FGGY: variants seen among roughly 807,000 people sequenced by gnomAD.
FGGY encodes the protein FGGY carbohydrate kinase domain-containing protein.
In FGGY, 72 loss-of-function variants were observed where a neutral mutation model predicts 71.3. The observed-to-expected ratio is 1.01, with a 90% CI of 0.84 to 1.23. The LOEUF (loss-of-function observed/expected upper bound fraction) is 1.23, where lower values mean the gene tolerates loss of function less well. Ranked by LOEUF, FGGY falls within the 50% of genes most tolerant of loss-of-function variation. The pLI, the probability that FGGY is intolerant of heterozygous loss-of-function variation, is 0.00. For synonymous variants in FGGY, 251 were observed against 250.3 expected, an observed-to-expected ratio of 1.00 and a Z score of -0.02; for missense variants, 668 against 682.3, an observed-to-expected ratio of 0.98 and a Z score of 0.23.
At chr1:59,371,956 G>A (rs1191386662) in intron 4 of FGGY, among the ~76,000 whole-genome samples, 3 of 152,024 alleles carry the variant, frequency 2.0e-5, no homozygotes, top group African/African-American at 7.3e-5. Context: ...AGAGAAAGCA[G>A]GAAAGATCCA....
chr1:59,552,535 T>C (rs566715244), intron 7 of FGGY, among the ~76,000 whole-genome samples: 1 of 152,296 alleles, frequency 6.6e-6, no homozygotes, highest in African/African-American at 2.4e-5. Context: ...CTCTGGCCTT[T>C]TTCTCACATT....
At chr1:59,476,948 G>A (rs796775861) in intron 6 of FGGY, among the ~76,000 whole-genome samples, 10 of 152,200 alleles carry the variant, frequency 6.6e-5, no homozygotes, top group African/African-American at 2.2e-4. Flanking sequence ...TAAGTGAACA[G>A]TATGATATCT....
intron 4 of FGGY, among the ~76,000 whole-genome samples, chr1:59,350,752 C>A (rs1356769925): frequency 6.6e-6 from 1 of 152,244 alleles, no homozygotes; most frequent in East Asian, 1.9e-4. Context: ...TTTTCTCATT[C>A]CCCTGATGAT....
chr1:59,408,496 C>G (rs2063099973), intron 5 of FGGY, among the ~76,000 whole-genome samples: 1 of 152,136 alleles, frequency 6.6e-6, no homozygotes, highest in East Asian at 1.9e-4. Flanking sequence ...CTTAGCTATT[C>G]TTATTCATAC....
intron 12 of FGGY, among the ~76,000 whole-genome samples, chr1:59,664,072 G>A (rs1367361573): frequency 2.0e-5 from 3 of 152,110 alleles, no homozygotes; most frequent in Admixed American, 6.5e-5. Context: ...TCAACCACCC[G>A]GTTTATCCAT....
chr1:59,444,145 C>G (rs1231335069), intron 5 of FGGY, among the ~76,000 whole-genome samples: 7 of 152,168 alleles, frequency 4.6e-5, no homozygotes, highest in Admixed American at 1.3e-4. Context: ...TTAATGGCCT[C>G]TAGCCACAGG....
chr1:59,528,477 C>T (rs934145098), intron 7 of FGGY, among the ~76,000 whole-genome samples: 1 of 152,176 alleles, frequency 6.6e-6, no homozygotes, highest in East Asian at 1.9e-4. Flanking sequence ...CCCAAGCCAG[C>T]GTTAACAGCT....
intron 4 of FGGY, among the ~76,000 whole-genome samples, chr1:59,364,717 C>T (rs1478662643): frequency 6.6e-6 from 1 of 152,154 alleles, no homozygotes; most frequent in East Asian, 1.9e-4. Context: ...AGGGGCATAG[C>T]ATAAGAGCAT....
intron 9 of FGGY, among the ~76,000 whole-genome samples, chr1:59,618,433 G>A (rs1309914141): frequency 6.6e-6 from 1 of 152,018 alleles, no homozygotes; most frequent in Non-Finnish European, 1.5e-5. Flanking sequence ...AACCCAAGCT[G>A]GCCACCAGAG....
chr1:59,425,537 G>C (rs1180243794), intron 5 of FGGY, among the ~76,000 whole-genome samples: 1 of 152,162 alleles, frequency 6.6e-6, no homozygotes, highest in African/African-American at 2.4e-5. Flanking sequence ...AGAAAAATTA[G>C]AGCTACTCTT....
In FGGY at chr1:59,392,991, C is replaced by A. The variant is rs373407218; in HGVS notation, c.554+14154C>A. Among the ~76,000 whole-genome samples, 15 of 152,316 alleles carry A rather than the reference C, an allele frequency of 9.8e-5. 1 individual carries two copies. In the East Asian group the frequency reaches 1.3e-3, roughly 14 times the overall value. On this transcript the variant is annotated intron_variant, in intron 5 of 15. Coordinates refer to ENST00000303721, the MANE Select transcript of FGGY (RefSeq NM_018291.5). The stretch of plus-strand genomic sequence containing the variant: ...TTATTCTTTTCAAAAGCGGAGCACT[C>A]TTGCCAGGCTTTCTAAACAATCTTC...
intron 5 of FGGY, among the ~76,000 whole-genome samples, chr1:59,400,955 T>C (rs1199879298): frequency 1.3e-5 from 2 of 152,038 alleles, no homozygotes; most frequent in South Asian, 4.1e-4. Flanking sequence ...TTCTTAATTA[T>C]TATTTTATAT....
chr1:59,507,478 C>G (rs981286699), intron 6 of FGGY, among the ~76,000 whole-genome samples: 1 of 151,910 alleles, frequency 6.6e-6, no homozygotes, highest in Non-Finnish European at 1.5e-5. Context: ...AAAATTATTC[C>G]CCAAGCTTTT....
intron 14 of FGGY, among the ~76,000 whole-genome samples, chr1:59,753,743 A>T (rs1333472698): frequency 6.6e-6 from 1 of 151,822 alleles, no homozygotes; most frequent in Non-Finnish European, 1.5e-5. Flanking sequence ...CAAACAAAAA[A>T]TTATGTAGCA....
intron 6 of FGGY, 122 bp from the exon 7 acceptor site, chr1:59,512,188 GT>G: frequency 9.0e-7 from 1 of 1,114,164 alleles, no homozygotes; most frequent in South Asian, 1.9e-5. Context: ...TGACTGCATG[GT>G]TTTTATCTTT....
rs774763998 is a variant in FGGY, at chr1:59,340,049, C to T, written c.293C>T (p.Pro98Leu). The T allele has an allele frequency of 6.2e-7, 1 of 1,611,974 alleles. No homozygotes were observed. The highest frequency in any genetic ancestry group is 8.5e-7 in the Non-Finnish European group (1 of 1,178,850). Residue 98 changes from proline to leucine, a missense_variant, in exon 3 of 16, where the codon CCA becomes CTA. This residue lies in a region of FGGY where 661 missense variants were observed against 661.6 expected (regional missense o/e 1.00). Coordinates refer to ENST00000303721, the MANE Select transcript of FGGY (RefSeq NM_018291.5). Reference sequence around the variant, plus strand: ...GTTGTTTTGGATAAGCAGTTTCACCCATTACCAGTCAACCAGGAAGGTAAG... The same window carrying T: ...GTTGTTTTGGATAAGCAGTTTCACCTATTACCAGTCAACCAGGAAGGTAAG... Reference protein sequence around the residue: ...SLVVLDKQFHPLPVNQEGDSH... With the variant: ...SLVVLDKQFHLLPVNQEGDSH...
intron 5 of FGGY, among the ~76,000 whole-genome samples, chr1:59,403,132 A>T (rs1237243159): frequency 6.6e-6 from 1 of 152,188 alleles, no homozygotes; most frequent in Non-Finnish European, 1.5e-5. Context: ...CAAAGAGTAA[A>T]AGAAGCTATG....
At chr1:59,468,827 GCACCACTGCACTCCAGTCTGCTC>G (rs2092785274) in intron 6 of FGGY, among the ~76,000 whole-genome samples, 1 of 147,460 alleles carries the variant, frequency 6.8e-6, no homozygotes, top group Non-Finnish European at 1.5e-5. Flanking sequence ...AGCCAAGATT[GCACCACTGCACTCCAGTCTGCTC>G]CACTGAGCAA....
chr1:59,713,702 CA>C (rs1246380578), intron 14 of FGGY, among the ~76,000 whole-genome samples: 2 of 143,572 alleles, frequency 1.4e-5, no homozygotes, highest in African/African-American at 5.2e-5. Context: ...TGTAGATCTC[CA>C]AAAAGTTTGA....
Sources: allele counts gnomAD v4.1 joint callset (sites outside exome capture counted in the v4.1 genomes callset), GRCh38; gene constraint gnomAD v4.1.1; regional missense constraint gnomAD v4.1.1; transcripts MANE v1.5; gene names NCBI Gene and HGNC (gene_info 2026-07-23, HGNC 2026-07-21).